Variants in DICER1 observed in about 807,000 individuals in gnomAD.
DICER1 encodes endoribonuclease Dicer.
Under a neutral mutation model 194.1 loss-of-function variants are expected in DICER1, and 43 were observed. That is an observed-to-expected ratio of 0.22 (90% CI 0.17 to 0.29). DICER1 has a LOEUF of 0.29. Among genes scored for constraint, DICER1 ranks in the 10% least tolerant of loss-of-function variants. DICER1 has a pLI of 1.00. For missense variants in DICER1, 1,608 were observed against 2,317.0 expected (o/e 0.69, Z 6.28); for synonymous variants, 832 against 820.5 (o/e 1.01, Z -0.24).
intron 14 of DICER1, 126 bp from the exon 15 acceptor site, chr14:95,108,629 C>T (rs112040991): frequency 2.3e-6 from 2 of 867,854 alleles, no homozygotes; most frequent in South Asian, 1.4e-5. Context: ...AGAAAATACC[C>T]GAGGCATGAC....
chr14:95,094,552 C>A (rs900608877), intron 23 of DICER1, among the ~76,000 whole-genome samples: 3 of 152,202 alleles, frequency 2.0e-5, no homozygotes, highest in East Asian at 1.9e-4. Flanking sequence ...GCCGCACACA[C>A]CTCTCCATGT....
At position 95,103,833 on chromosome 14, in the gene DICER1, C is replaced by T. The variant is rs1891141369; in HGVS notation, c.3563G>A (p.Ser1188Asn). Residue 1188 changes from serine to asparagine, a missense_variant, in exon 21 of 27, where the codon AGT becomes AAT. Transcript: ENST00000343455. ...AAAGTCTCTGTTAGCTAAATCATAA[C>T]TGCCATTGGCGAGATTTTGATTGTA... ...LSYNQNLANG[S>N]YDLANRDFCQ... The T allele has an allele frequency of 1.2e-6, 2 of 1,614,180 alleles. No individual in the cohort carries two copies. The highest frequency in any genetic ancestry group is 1.7e-5 in the Admixed American group (1 of 60,016).
In DICER1 at chr14:95,132,552, G is replaced by A. The variant is rs770485926; in HGVS notation, c.270C>T (p.Ser90=). 1.5e-5 allele frequency: 25 copies of A among 1,613,848 alleles called. No homozygotes were observed. The highest frequency in any genetic ancestry group is 2.0e-5 in the Non-Finnish European group (24 of 1,179,912). Residue 90 remains serine, a synonymous_variant, in exon 3 of 27, where the codon AGC becomes AGT. Coordinates refer to ENST00000343455, the MANE Select transcript of DICER1 (RefSeq NM_177438.3). ...AGAACACCGTCCTTTTTCCATTTCT[G>A]CTGAAGTCTCCCCTGATCTGATAGG... The part of the protein sequence containing the change: ...ELSYQIRGDF[S]RNGKRTVFLV...
chr14:95,107,657 G>T lies in DICER1; in HGVS notation c.2755C>A (p.Pro919Thr). 6.2e-7 allele frequency: 1 copy of T among 1,612,748 alleles called. No individual in the cohort carries two copies. Among genetic ancestry groups the T allele is most frequent in the Non-Finnish European group, 8.5e-7 (1 of 1,178,998 alleles). The change falls in exon 17 of 27, where the codon CCC (proline) becomes ACC (threonine). Residue 919 changes from proline to threonine, a missense_variant. Transcript: ENST00000343455. ...IPSTKYTKET[P>T]FVFKLEDYQD... Reference sequence around the variant, plus strand: ...TAATCTTCTAATTTAAAAACAAAGGGTGTTTCTTTTGTATACTTTGTACTG... The same window carrying T: ...TAATCTTCTAATTTAAAAACAAAGGTTGTTTCTTTTGTATACTTTGTACTG...
chr14:95,116,667 G>T lies in DICER1; in HGVS notation c.1538C>A (p.Thr513Asn), dbSNP rs2140126458. ...AATACTTGTTGCAATAAGCAGGTTG[G>T]TCTCATGTGCTCGAAATTTCCTAAG... ...EVLRKFRAHETNLLIATSIVE... is the reference protein window; with the variant it reads ...EVLRKFRAHENNLLIATSIVE... Residue 513 changes from threonine (T) to asparagine (N), a missense_variant, in exon 10 of 27, where the codon ACC becomes AAC. Physicochemically the swap from Thr to Asn is moderately conservative, Grantham distance 65. Coordinates refer to ENST00000343455, the MANE Select transcript of DICER1 (RefSeq NM_177438.3). 1 of 1,613,228 alleles carries T rather than the reference G, an allele frequency of 6.2e-7. No individual in the cohort carries two copies. The highest frequency in any genetic ancestry group is 8.5e-7 in the Non-Finnish European group (1 of 1,179,740).
In DICER1 at chr14:95,091,530, A is replaced by G. The variant is rs182340315; in HGVS notation, c.5365-165T>C. Reference sequence around the variant, plus strand: ...ATATTGTAATAGTAAAACAAATGTTATATTTTTAAAAAAGTTTTTCAAACT... The same window carrying G: ...ATATTGTAATAGTAAAACAAATGTTGTATTTTTAAAAAAGTTTTTCAAACT... On this transcript the variant is annotated intron_variant, in intron 24 of 26. Transcript: ENST00000343455. 40 of 658,294 alleles carry G rather than the reference A, an allele frequency of 6.1e-5. 1 individual carries two copies. Among genetic ancestry groups the G allele is most frequent in the Middle Eastern group, 4.1e-4 (1 of 2,420 alleles). The allele number at this position is 658,294 out of a possible 1,614,324, so 40.8% of individuals were successfully genotyped here.
At chr14:95,127,491 A>G (rs1893577515) in intron 6 of DICER1, among the ~76,000 whole-genome samples, 2 of 152,230 alleles carry the variant, frequency 1.3e-5, no homozygotes, top group South Asian at 4.1e-4. Flanking sequence ...ATGGGACCCA[A>G]GTCTAAACAT....
intron 1 of DICER1, among the ~76,000 whole-genome samples, chr14:95,147,130 G>C (rs570641815): frequency 2.6e-5 from 4 of 152,214 alleles, no homozygotes; most frequent in Non-Finnish European, 4.4e-5. Flanking sequence ...TGATTTGTGT[G>C]ACGATAAGCT....
At chr14:95,093,268 T>C (rs1265101832) in intron 24 of DICER1, among the ~76,000 whole-genome samples, 2 of 152,164 alleles carry the variant, frequency 1.3e-5, no homozygotes, top group African/African-American at 4.8e-5. Flanking sequence ...TGCAGATGAA[T>C]GTTAAGAGAC....
chr14:95,101,467 T>C (rs1034322866), intron 21 of DICER1, among the ~76,000 whole-genome samples: 2 of 152,132 alleles, frequency 1.3e-5, no homozygotes, highest in Middle Eastern at 3.2e-3. Context: ...GGAAATCTCA[T>C]CCATTCTCAG....
At chr14:95,132,743 T>G in intron 2 of DICER1, 66 bp from the exon 3 acceptor site, 1 of 1,500,904 alleles carries the variant, frequency 6.7e-7, no homozygotes. Flanking sequence ...AAAATTGGAT[T>G]TTATTTTAAA....
At chr14:95,100,248 C>A (rs1002541482) in intron 21 of DICER1, among the ~76,000 whole-genome samples, 11 of 152,104 alleles carry the variant, frequency 7.2e-5, no homozygotes, top group Non-Finnish European at 1.5e-4. Flanking sequence ...ATATCAAAGC[C>A]TTGAAAATAC....
At position 95,089,675 on chromosome 14, in the gene DICER1, G is replaced by A. The variant is rs920837889; in HGVS notation, c.*823C>T. 4.8e-5 allele frequency: 11 copies of A among 231,458 alleles called. No homozygotes were observed. Among genetic ancestry groups the A allele is most frequent in the Non-Finnish European group, 7.7e-5 (9 of 116,920 alleles). The allele number at this position is 231,458 out of a possible 1,614,324, so 14.3% of individuals were successfully genotyped here. A position where few individuals can be genotyped will look rare whatever the true frequency, so the allele number is the denominator to read the frequency against. On this transcript the variant is annotated 3_prime_UTR_variant, in exon 27 of 27. Transcript: ENST00000343455. ...AAATGTCTTCAGTATACATATGACA[G>A]AAATTTTAGTATGATCCTGTAATAA...
chr14:95,139,209 G>A (rs1313636321), intron 1 of DICER1, among the ~76,000 whole-genome samples: 1 of 152,174 alleles, frequency 6.6e-6, no homozygotes, highest in Non-Finnish European at 1.5e-5. Flanking sequence ...TTGGGGTATA[G>A]TCTTAATCCA....
chr14:95,096,184 G>A lies in DICER1; in HGVS notation c.4736C>T (p.Ala1579Val), dbSNP rs1466171960. 6.2e-7 allele frequency: 1 copy of A among 1,614,110 alleles called. No homozygotes were observed. The highest frequency in any genetic ancestry group is 1.3e-5 in the African/African-American group (1 of 74,930). ...CCCCAGTGAACAGAGGAAAAGCTGA[G>A]CAGCCCTCTCCCCACAGCTGGTTAA... ...CYLTSCGERA[A>V]QLFLCSLGLK... Residue 1579 changes from alanine (A) to valine (V), a missense_variant, in exon 23 of 27, where the codon GCT becomes GTT. Coordinates refer to ENST00000343455, the MANE Select transcript of DICER1 (RefSeq NM_177438.3).
intron 14 of DICER1, 38 bp downstream of exon 14, chr14:95,111,279 A>G: frequency 1.2e-6 from 2 of 1,613,702 alleles, no homozygotes; most frequent in South Asian, 2.2e-5. Flanking sequence ...ACAAAGTCAG[A>G]AATGCTAGGT....
intron 1 of DICER1, among the ~76,000 whole-genome samples, chr14:95,148,018 G>A (rs764687836): frequency 5.3e-5 from 8 of 152,192 alleles, no homozygotes; most frequent in Non-Finnish European, 8.8e-5. Context: ...GGTCAACACA[G>A]CGAGAGTCCA....
upstream of DICER1, chr14:95,157,579 G>GAA (rs1395468895): frequency 6.6e-6 from 1 of 152,504 alleles, no homozygotes; most frequent in Non-Finnish European, 1.5e-5. Flanking sequence ...GCCCCGTGGC[G>GAA]GCATGAGAGC....
rs545882794 is a variant in DICER1 at position 95,135,640 on chromosome 14, G to A, written c.-45-2137C>T. On this transcript the variant is annotated intron_variant, in intron 1 of 26. Transcript: ENST00000343455. The stretch of plus-strand genomic sequence containing the variant: ...GTTCCAGATTAACAAAGACTATATG[G>A]ATACAAATGGACATAAAGATGGAAA... 2.6e-5 allele frequency among the ~76,000 whole-genome samples: 4 copies of A among 152,216 alleles called. No individual in the cohort carries two copies. The East Asian group carries it at 7.7e-4, about 29-fold the overall frequency.
Sources: allele counts gnomAD v4.1 joint callset (sites outside exome capture counted in the v4.1 genomes callset), GRCh38; gene constraint gnomAD v4.1.1; transcripts MANE v1.5; gene names NCBI Gene and HGNC (gene_info 2026-07-23, HGNC 2026-07-21).